The following PTPN3 variants were observed in gnomAD, a reference collection of about 807,000 sequenced individuals.
The protein encoded by PTPN3 is tyrosine-protein phosphatase non-receptor type 3.
A neutral mutation model predicts 132.7 loss-of-function variants in PTPN3; 96 were observed. The ratio of observed to expected loss-of-function variants is 0.72; its 90% CI spans 0.61 to 0.86. The LOEUF (loss-of-function observed/expected upper bound fraction) is 0.86. Among genes scored for constraint, PTPN3 ranks in the 40% least tolerant of loss-of-function variants. The probability of loss-of-function intolerance (pLI) is 0.00; values close to 1 mark genes in which losing one functional copy is unlikely to be tolerated. For missense variants in PTPN3, 1,125 were observed against 1,159.6 expected, an observed-to-expected ratio of 0.97 and a Z score of 0.43; for synonymous variants, 398 against 429.0, an observed-to-expected ratio of 0.93 and a Z score of 0.89.
chr9:109,512,619 G>A, the PTPN3 span, among the ~76,000 whole-genome samples: 5 of 152,142 alleles, frequency 3.3e-5, no homozygotes, highest in Non-Finnish European at 7.3e-5. Context: ...CATTGAAACC[G>A]GAAACACCAA....
chr9:109,526,557 C>A, the PTPN3 span, among the ~76,000 whole-genome samples: 1 of 152,044 alleles, frequency 6.6e-6, no homozygotes, highest in African/African-American at 2.4e-5. Flanking sequence ...CACCTGTGGT[C>A]CCAGCTATGT....
At chr9:109,529,607 C>T in the PTPN3 span, among the ~76,000 whole-genome samples, 1 of 152,182 alleles carries the variant, frequency 6.6e-6, no homozygotes, top group Non-Finnish European at 1.5e-5. Flanking sequence ...CTAGCAATTG[C>T]TCTTGCTTTC....
the PTPN3 span, among the ~76,000 whole-genome samples, chr9:109,527,261 G>C: frequency 6.6e-6 from 1 of 152,200 alleles, no homozygotes; most frequent in East Asian, 1.9e-4. Flanking sequence ...AGGAGTTCAA[G>C]ACCAGCCTGG....
At chr9:109,479,170 C>T (rs1846840379) in intron 1 of PTPN3, among the ~76,000 whole-genome samples, 1 of 152,074 alleles carries the variant, frequency 6.6e-6, no homozygotes, top group Non-Finnish European at 1.5e-5. Context: ...AACTCTGTAC[C>T]CATTAGGCAA....
chr9:109,398,433 T>G (rs564787517), intron 19 of PTPN3, among the ~76,000 whole-genome samples: 136 of 152,362 alleles, frequency 8.9e-4, no homozygotes, highest in African/African-American at 3.2e-3. Context: ...GTTTTGACAT[T>G]AATGGCTATC....
At chr9:109,509,503 T>G in the PTPN3 span, among the ~76,000 whole-genome samples, 1 of 152,216 alleles carries the variant, frequency 6.6e-6, no homozygotes, top group Non-Finnish European at 1.5e-5. Flanking sequence ...ACTCCAACTG[T>G]TAACTGTCTA....
the PTPN3 span, among the ~76,000 whole-genome samples, chr9:109,534,813 A>G: frequency 1.0e-5 from 1 of 99,526 alleles, no homozygotes; most frequent in South Asian, 2.9e-4. Flanking sequence ...AAAACAAACA[A>G]ACAAACAAAC....
At chr9:109,533,152 T>TC in the PTPN3 span, among the ~76,000 whole-genome samples, 1 of 92,526 alleles carries the variant, frequency 1.1e-5, no homozygotes, top group African/African-American at 3.9e-5. Context: ...TTTTTTTTTT[T>TC]TTTGAGACGG....
At chr9:109,524,770 C>T in the PTPN3 span, among the ~76,000 whole-genome samples, 1 of 152,200 alleles carries the variant, frequency 6.6e-6, no homozygotes, top group African/African-American at 2.4e-5. Context: ...TGGAGTCTCG[C>T]TCTGTCGCCC....
At chr9:109,533,763 T>C in the PTPN3 span, 1 of 1,357,210 alleles carries the variant, frequency 7.4e-7, no homozygotes, top group Non-Finnish European at 1.0e-6. Flanking sequence ...AACCTTCACC[T>C]GCTGTAGGGC....
At chr9:109,534,288 G>C in the PTPN3 span, 2 of 1,534,604 alleles carry the variant, frequency 1.3e-6, no homozygotes, top group Non-Finnish European at 1.7e-6. Flanking sequence ...GGGGCGGCGA[G>C]CGGCAAGCGG....
chr9:109,447,477 G>T (rs369308981), intron 6 of PTPN3, among the ~76,000 whole-genome samples: 1 of 152,048 alleles, frequency 6.6e-6, no homozygotes, highest in African/African-American at 2.4e-5. Context: ...TGATCAAGCA[G>T]AAGCCTGAAG....
intron 1 of PTPN3, among the ~76,000 whole-genome samples, chr9:109,474,521 C>A (rs1438967201): frequency 6.6e-6 from 1 of 152,050 alleles, no homozygotes; most frequent in Non-Finnish European, 1.5e-5. Context: ...GGTGTCAGGA[C>A]CGGTTCACAG....
intron 22 of PTPN3, among the ~76,000 whole-genome samples, chr9:109,383,789 G>A (rs1442808470): frequency 6.6e-6 from 1 of 152,134 alleles, no homozygotes; most frequent in Non-Finnish European, 1.5e-5. Flanking sequence ...GGAGGAGGAC[G>A]CAGCGTCTTC....
chr9:109,395,854 A>AT (rs200143586), intron 19 of PTPN3, among the ~76,000 whole-genome samples: 18 of 106,112 alleles, frequency 1.7e-4, no homozygotes, highest in Admixed American at 8.2e-4. Flanking sequence ...TCAAGTTCCT[A>AT]TTTTTTTTTT....
the PTPN3 span, among the ~76,000 whole-genome samples, chr9:109,534,813 A>C: frequency 1.0e-5 from 1 of 99,526 alleles, no homozygotes; most frequent in African/African-American, 3.1e-5. Flanking sequence ...AAAACAAACA[A>C]ACAAACAAAC....
chr9:109,508,916 G>T, the PTPN3 span, among the ~76,000 whole-genome samples: 1 of 152,076 alleles, frequency 6.6e-6, no homozygotes, highest in Non-Finnish European at 1.5e-5. Flanking sequence ...AGGTCTGCAG[G>T]TGGGCAGTGG....
chr9:109,402,424 G>T (rs1352198802), intron 19 of PTPN3, among the ~76,000 whole-genome samples: 1 of 151,974 alleles, frequency 6.6e-6, no homozygotes, highest in African/African-American at 2.4e-5. Context: ...GATTACAGGT[G>T]CCTGCCACCC....
At chr9:109,534,622 C>CAAAAAATAA in the PTPN3 span, among the ~76,000 whole-genome samples, 1 of 107,808 alleles carries the variant, frequency 9.3e-6, no homozygotes, top group Non-Finnish European at 2.0e-5. Context: ...ACTAAAAATA[C>CAAAAAATAA]AAAAAAATAC....
Sources: gnomAD v4.1 joint callset for allele counts (sites outside exome capture counted in the v4.1 genomes callset) on GRCh38, gnomAD v4.1.1 for gene constraint, MANE v1.5 for transcripts, NCBI Gene and HGNC (gene_info 2026-07-23, HGNC 2026-07-21) for gene names.